HNRNPR: variants seen among roughly 807,000 people sequenced by gnomAD.
The protein encoded by HNRNPR is heterogeneous nuclear ribonucleoprotein R.
Under a neutral mutation model 70.3 loss-of-function variants are expected in HNRNPR, and 4 were observed. The observed-to-expected ratio is 0.06, with a 90% CI of 0.03 to 0.13. The LOEUF (loss-of-function observed/expected upper bound fraction) is 0.13, where lower values mean the gene tolerates loss of function less well. Ranked by LOEUF, HNRNPR falls within the 10% of genes least tolerant of loss-of-function variation. The probability of loss-of-function intolerance (pLI) is 1.00; values close to 1 mark genes in which losing one functional copy is unlikely to be tolerated. For synonymous variants in HNRNPR, 241 were observed against 267.6 expected, an observed-to-expected ratio of 0.90 and a Z score of 0.97; for missense variants, 423 against 788.5, an observed-to-expected ratio of 0.54 and a Z score of 5.55.
At chr1:23,337,917 G>T in intron 3 of HNRNPR, 56 bp from the exon 4 acceptor site, 1 of 992,340 alleles carries the variant, frequency 1.0e-6, no homozygotes, top group Non-Finnish European at 1.5e-6. Flanking sequence ...TGAAGGGTCA[G>T]ATACATAATT....
chr1:23,312,122 C>A lies in HNRNPR; in HGVS notation c.1168-800G>T, dbSNP rs1645359837. Among the ~76,000 whole-genome samples, 9 of 152,226 alleles carry A rather than the reference C, an allele frequency of 5.9e-5. No individual in the cohort carries two copies. The South Asian group carries it at 1.9e-3, about 32-fold the overall frequency. On this transcript the variant is annotated intron_variant, in intron 9 of 10. Coordinates refer to ENST00000302271, the MANE Select transcript of HNRNPR (RefSeq NM_005826.5). ...TCCCTATACCTTTCCCCACTCTGGG[C>A]ACACATAAAAAAATGTTCTATTGGA...
intron 5 of HNRNPR, among the ~76,000 whole-genome samples, chr1:23,325,886 G>A (rs1177537055): frequency 6.6e-6 from 1 of 151,954 alleles, no homozygotes; most frequent in Non-Finnish European, 1.5e-5. Context: ...TTTGAGACAG[G>A]GTCTCACCTT....
rs982736098 is a variant in HNRNPR, at chr1:23,317,399, C to T, written c.1017+1084G>A. Among the ~76,000 whole-genome samples the T allele has an allele frequency of 5.3e-5, 8 of 151,580 alleles. 1 individual carries two copies. The highest frequency in any genetic ancestry group is 4.2e-4 in the South Asian group (2 of 4,780). On this transcript the variant is annotated intron_variant, in intron 8 of 10. Coordinates refer to ENST00000302271, the MANE Select transcript of HNRNPR (RefSeq NM_005826.5). ...CGTGAACCCAGGAGGCAGAGCTTGC[C>T]GTGAGTGGAGATCGCGCCACTGCAC...
chr1:23,335,021 C>T (rs1227554096), intron 4 of HNRNPR, among the ~76,000 whole-genome samples: 1 of 152,120 alleles, frequency 6.6e-6, no homozygotes, highest in Non-Finnish European at 1.5e-5. Flanking sequence ...GGGTTCACGC[C>T]ATTCTCCTGC....
At chr1:23,321,416 C>T (rs148190442) in intron 7 of HNRNPR, 112 bp downstream of exon 7, 17 of 871,924 alleles carry the variant, frequency 1.9e-5, no homozygotes, top group Non-Finnish European at 2.1e-5. Context: ...AATTTAGATA[C>T]TTCAGACCTG....
In HNRNPR at chr1:23,334,171, C is replaced by T. The variant is rs1490156919; in HGVS notation, c.385-540G>A. Among the ~76,000 whole-genome samples the T allele has an allele frequency of 2.0e-5, 3 of 152,042 alleles. No individual in the cohort carries two copies. The East Asian group carries it at 5.8e-4, about 29-fold the overall frequency. On this transcript the variant is annotated intron_variant, in intron 4 of 10. Coordinates refer to ENST00000302271, the MANE Select transcript of HNRNPR (RefSeq NM_005826.5). ...TCATGAGATCCGCCTGTCTTGGCCT[C>T]CCAAAGTGCTAGGAGTACAGGTGTG...
At chr1:23,313,181 CCACT>C (rs1306977661) in intron 9 of HNRNPR, among the ~76,000 whole-genome samples, 1 of 152,118 alleles carries the variant, frequency 6.6e-6, no homozygotes, top group Non-Finnish European at 1.5e-5. Context: ...GTCATGTACA[CCACT>C]CAGTTTCCTT....
chr1:23,318,803 T>A lies in HNRNPR; in HGVS notation c.812-115A>T. Reference sequence around the variant, plus strand: ...AAATATAAGTGAAGCAGCCTCAACATGAGTCACTAATTTTGTAGACAATTA... The same window carrying A: ...AAATATAAGTGAAGCAGCCTCAACAAGAGTCACTAATTTTGTAGACAATTA... On this transcript the variant is annotated intron_variant, in intron 7 of 10. Coordinates refer to ENST00000302271, the MANE Select transcript of HNRNPR (RefSeq NM_005826.5). This position sits in a 1 kb window ranked among gnomAD's most constrained non-coding sequence, Gnocchi z 4.2. 1 of 845,908 alleles carries A rather than the reference T, an allele frequency of 1.2e-6. No individual in the cohort carries two copies. The highest frequency in any genetic ancestry group is 1.7e-5 in the South Asian group (1 of 59,314). The allele number at this position is 845,908 out of a possible 1,614,324, so 52.4% of individuals were successfully genotyped here.
rs1645268569 is a variant in HNRNPR at position 23,309,871 on chromosome 1, C to T, written c.*583G>A. The T allele has an allele frequency of 6.6e-6, 1 of 152,514 alleles. No homozygotes were observed. The highest frequency in any genetic ancestry group is 1.5e-5 in the Non-Finnish European group (1 of 68,004). The allele number at this position is 152,514 out of a possible 1,614,324, so 9.4% of individuals were successfully genotyped here. On this transcript the variant is annotated 3_prime_UTR_variant, in exon 11 of 11. Coordinates refer to ENST00000302271, the MANE Select transcript of HNRNPR (RefSeq NM_005826.5). ...AATCACATCAAAGAACAAATTGTCACGGCTTTTGACGTTTAAGCCAAACAA... is the reference window on the plus strand; with the variant it reads ...AATCACATCAAAGAACAAATTGTCATGGCTTTTGACGTTTAAGCCAAACAA...
chr1:23,335,662 C>T (rs544214073), intron 4 of HNRNPR, among the ~76,000 whole-genome samples: 1 of 152,048 alleles, frequency 6.6e-6, no homozygotes, highest in South Asian at 2.1e-4. Flanking sequence ...AGATCTGTCA[C>T]CATCTACCAG....
intron 8 of HNRNPR, among the ~76,000 whole-genome samples, chr1:23,315,715 C>T (rs1035963006): frequency 1.3e-5 from 2 of 152,078 alleles, no homozygotes; most frequent in African/African-American, 4.8e-5. Context: ...AACATAGTAC[C>T]TATCCAAATA....
chr1:23,336,624 C>A (rs1412276522), intron 4 of HNRNPR, among the ~76,000 whole-genome samples: 2 of 148,802 alleles, frequency 1.3e-5, no homozygotes, highest in African/African-American at 5.0e-5. Context: ...GTGGCGCACG[C>A]CTGTAGTCCC....
Position 23,333,551 on chromosome 1 carries a change from C to T in HNRNPR, c.465G>A (p.Val155=), listed in dbSNP as rs763501659. The T allele has an allele frequency of 4.3e-6, 7 of 1,613,042 alleles. No homozygotes were observed. Among genetic ancestry groups the T allele is most frequent in the Non-Finnish European group, 5.9e-6 (7 of 1,178,972 alleles). The change falls in exon 5 of 11, where the codon GTG becomes GTA. Residue 155 remains valine, a synonymous_variant. Transcript: ENST00000302271. The part of the protein sequence containing the change: ...RKYGGPPPDS[V]YSGVQPGIGT... Reference sequence around the variant, plus strand: ...CAATTCCAGGTTGCACGCCAGAGTACACACTGTCTGGTGGAGGACCACCAT... The same window carrying T: ...CAATTCCAGGTTGCACGCCAGAGTATACACTGTCTGGTGGAGGACCACCAT...
chr1:23,311,263 G>A lies in HNRNPR; in HGVS notation c.1227C>T (p.Ala409=). ...IEGEEIEIVL[A]KPPDKKRKER... ...CTTTCCTTTTCTTGTCTGGTGGCTTGGCTAAGACTATTTCAATTTCTTCCC... is the reference window on the plus strand; with the variant it reads ...CTTTCCTTTTCTTGTCTGGTGGCTTAGCTAAGACTATTTCAATTTCTTCCC... Residue 409 remains alanine (A), a synonymous_variant, in exon 10 of 11, where the codon GCC becomes GCT. Coordinates refer to ENST00000302271, the MANE Select transcript of HNRNPR (RefSeq NM_005826.5). 6.2e-7 allele frequency: 1 copy of A among 1,612,290 alleles called. No individual in the cohort carries two copies. The highest frequency in any genetic ancestry group is 1.1e-5 in the South Asian group (1 of 91,032).
chr1:23,338,926 T>C (rs981072442), intron 2 of HNRNPR, among the ~76,000 whole-genome samples: 1 of 152,274 alleles, frequency 6.6e-6, no homozygotes, highest in Non-Finnish European at 1.5e-5. Context: ...ATGTACATAC[T>C]GTATTACAGA....
chr1:23,319,207 A>G (rs992530821), intron 7 of HNRNPR, among the ~76,000 whole-genome samples: 2 of 152,108 alleles, frequency 1.3e-5, no homozygotes, highest in Admixed American at 6.5e-5. Flanking sequence ...AGCTAGCCCT[A>G]CTTTTAAATG....
chr1:23,339,489 T>C (rs1646629649), intron 2 of HNRNPR, among the ~76,000 whole-genome samples: 1 of 152,218 alleles, frequency 6.6e-6, no homozygotes, highest in South Asian at 2.1e-4. Flanking sequence ...TTCTTAAGTC[T>C]GTTAAGTTTG....
At chr1:23,336,891 TC>T (rs1646515433) in intron 4 of HNRNPR, among the ~76,000 whole-genome samples, 1 of 152,188 alleles carries the variant, frequency 6.6e-6, no homozygotes, top group Non-Finnish European at 1.5e-5. Context: ...AAGCTGTTTA[TC>T]TAAGTAATAA....
rs376528737 is a variant in HNRNPR, at chr1:23,340,360, G to A, written c.157+492C>T. Among the ~76,000 whole-genome samples the A allele has an allele frequency of 5.0e-4, 76 of 150,784 alleles. 1 individual carries two copies. In the South Asian group the frequency reaches 0.01, roughly 20 times the overall value. On this transcript the variant is annotated intron_variant, in intron 2 of 10. Coordinates refer to ENST00000302271, the MANE Select transcript of HNRNPR (RefSeq NM_005826.5). ...TTACAACCAAACACTTCCAAATTAC[G>A]GAGAGATGTGGATTTCTATTAGAAA...
Sources: gnomAD v4.1 joint callset for allele counts (sites outside exome capture counted in the v4.1 genomes callset) on GRCh38, gnomAD v4.1.1 for gene constraint, Gnocchi (gnomAD v3.1) non-coding constraint, MANE v1.5 for transcripts, NCBI Gene and HGNC (gene_info 2026-07-23, HGNC 2026-07-21) for gene names.